NPR3: variants seen among roughly 807,000 people sequenced by gnomAD.
NPR3 encodes the protein atrial natriuretic peptide receptor 3.
NPR3 carries 34 observed loss-of-function variants against 54.5 expected under a neutral mutation model. The ratio of observed to expected loss-of-function variants is 0.62; its 90% CI spans 0.47 to 0.83. The LOEUF is 0.83. Among genes scored for constraint, NPR3 ranks in the 40% least tolerant of loss-of-function variants. The probability of loss-of-function intolerance (pLI) is 0.00; values close to 1 mark genes in which losing one functional copy is unlikely to be tolerated. For missense variants in NPR3, 674 were observed against 720.8 expected, an observed-to-expected ratio of 0.94 and a Z score of 0.74; for synonymous variants, 289 against 297.1, an observed-to-expected ratio of 0.97 and a Z score of 0.28.
chr5:32,783,073 C>G, intron 6 of NPR3, 45 bp downstream of exon 6: 2 of 1,549,856 alleles, frequency 1.3e-6, no homozygotes, highest in Non-Finnish European at 1.8e-6. Context: ...TCACCTCTAA[C>G]CTCAGTGTAA....
At chr5:32,733,385 A>G (rs1000806273) in intron 2 of NPR3, among the ~76,000 whole-genome samples, 1 of 152,176 alleles carries the variant, frequency 6.6e-6, no homozygotes, top group Non-Finnish European at 1.5e-5. Flanking sequence ...GAAAGAAGAT[A>G]ATATATATTG....
At chr5:32,700,533 C>T (rs1740640420) in intron 1 of NPR3, among the ~76,000 whole-genome samples, 1 of 152,058 alleles carries the variant, frequency 6.6e-6, no homozygotes, top group Non-Finnish European at 1.5e-5. Context: ...TCTCCTAATG[C>T]TATCCCTTCC....
chr5:32,711,547 A>ACTTTCT lies in NPR3; in HGVS notation c.-226_-225insCTCTTT, dbSNP rs1554012338. ...AGACGCACAGGTTTACACCCGGTGAACTTTTTCTTTTTCTTTTTCTTTTTT... is the reference window on the plus strand; with the variant it reads ...AGACGCACAGGTTTACACCCGGTGAACTTTCTCTTTTTCTTTTTCTTTTTCTTTTTT... On this transcript the variant is annotated 5_prime_UTR_variant, in exon 1 of 8. Coordinates refer to ENST00000265074, the MANE Select transcript of NPR3 (RefSeq NM_001204375.2). 3 of 965,988 alleles carry ACTTTCT rather than the reference A, an allele frequency of 3.1e-6. No homozygotes were observed. Among genetic ancestry groups the ACTTTCT allele is most frequent in the Non-Finnish European group, 3.9e-6 (3 of 766,786 alleles). The allele number at this position is 965,988 out of a possible 1,614,324, so 59.8% of individuals were successfully genotyped here. A position where few individuals can be genotyped will look rare whatever the true frequency, so the allele number is the denominator to read the frequency against.
At chr5:32,704,440 A>G (rs1201579403), upstream of NPR3, among the ~76,000 whole-genome samples, 1 of 150,644 alleles carries the variant, frequency 6.6e-6, no homozygotes, top group Non-Finnish European at 1.5e-5. Flanking sequence ...GGGGACGACA[A>G]CTGGTGGGGG....
At chr5:32,769,551 C>A (rs1371423919) in intron 3 of NPR3, among the ~76,000 whole-genome samples, 1 of 152,220 alleles carries the variant, frequency 6.6e-6, no homozygotes, top group Admixed American at 6.5e-5. Context: ...ATGTCTTTTG[C>A]AAGAGAGTCT....
intron 3 of NPR3, among the ~76,000 whole-genome samples, chr5:32,759,787 G>T (rs1033684004): frequency 1.3e-5 from 2 of 152,160 alleles, no homozygotes; most frequent in African/African-American, 2.4e-5. Context: ...AGGAGCTCTT[G>T]TAAGGCAGGC....
At chr5:32,769,502 T>A (rs968386125) in intron 3 of NPR3, among the ~76,000 whole-genome samples, 1 of 152,188 alleles carries the variant, frequency 6.6e-6, no homozygotes, top group African/African-American at 2.4e-5. Context: ...TTTCCCTTTC[T>A]CTCATCTCCC....
intron 1 of NPR3, among the ~76,000 whole-genome samples, chr5:32,698,004 T>C (rs953781769): frequency 5.3e-5 from 8 of 152,076 alleles, no homozygotes; most frequent in Non-Finnish European, 8.8e-5. Context: ...CTCTGATCTT[T>C]ATTATTTCTT....
rs1738259169 is a variant in NPR3 at position 32,711,877 on chromosome 5, G to A, written c.101G>A (p.Gly34Asp). ...TGGGGVGGGG[G>D]GAGIGGGRQE... ...GGCGGTGGCGTTGGCGGCGGCGGCGGTGGCGCGGGCATAGGCGGCGGACGC... is the reference window on the plus strand; with the variant it reads ...GGCGGTGGCGTTGGCGGCGGCGGCGATGGCGCGGGCATAGGCGGCGGACGC... Residue 34 changes from glycine (G) to aspartate (D), a missense_variant, in exon 1 of 8, where the codon GGT (glycine) becomes GAT (aspartate). Transcript: ENST00000265074. The A allele has an allele frequency of 2.0e-6, 3 of 1,465,492 alleles. No homozygotes were observed. Among genetic ancestry groups the A allele is most frequent in the Non-Finnish European group, 1.8e-6 (2 of 1,111,102 alleles). 90.8% of individuals were successfully genotyped at this position (1,465,492 alleles called of 1,614,324 possible). A position where few individuals can be genotyped will look rare whatever the true frequency, so the allele number is the denominator to read the frequency against.
chr5:32,713,496 C>A lies in NPR3; in HGVS notation c.769+951C>A, dbSNP rs555559612. ...CCGGTATAGCGCCGATCCCTCCTCC[C>A]TCTAGTCAGGGATTAGGAGCACTGC... On this transcript the variant is annotated intron_variant, in intron 1 of 7. Coordinates refer to ENST00000265074, the MANE Select transcript of NPR3 (RefSeq NM_001204375.2). 1.2e-4 allele frequency: 119 copies of A among 974,568 alleles called. No homozygotes were observed. In the South Asian group the frequency reaches 4.8e-3, roughly 39 times the overall value. The allele number at this position is 974,568 out of a possible 1,614,324, so 60.4% of individuals were successfully genotyped here.
At chr5:32,758,532 G>C (rs1012010619) in intron 3 of NPR3, among the ~76,000 whole-genome samples, 2 of 151,952 alleles carry the variant, frequency 1.3e-5, no homozygotes, top group Non-Finnish European at 2.9e-5. Context: ...TATCAATTTT[G>C]TTGATCTTGT....
intron 1 of NPR3, chr5:32,713,056 A>C (rs1281374239): frequency 7.1e-6 from 4 of 560,710 alleles, no homozygotes; most frequent in African/African-American, 2.0e-5. Context: ...TGTTGTTTCC[A>C]CAGACCCCAG....
intron 3 of NPR3, among the ~76,000 whole-genome samples, chr5:32,739,470 CT>C (rs1232590603): frequency 2.0e-5 from 3 of 152,250 alleles, no homozygotes; most frequent in South Asian, 4.1e-4. Flanking sequence ...GATACATTTT[CT>C]TTTGGCAGCC....
rs747268229 is a variant in NPR3, at chr5:32,724,411, A to C, written c.770-287A>C. Among the ~76,000 whole-genome samples, 6 of 152,158 alleles carry C rather than the reference A, an allele frequency of 3.9e-5. 1 individual carries two copies. ...TTGGGTTTGTGGCTGCCACCTTCTG[A>C]TTAGATGTAGGCTGCCTATCTGGAC... is the stretch of plus-strand genomic sequence containing the variant. On this transcript the variant is annotated intron_variant, in intron 1 of 7. Coordinates refer to ENST00000265074, the MANE Select transcript of NPR3 (RefSeq NM_001204375.2).
intron 3 of NPR3, among the ~76,000 whole-genome samples, chr5:32,770,913 A>C (rs57789575): frequency 6.6e-6 from 1 of 152,222 alleles, no homozygotes; most frequent in Non-Finnish European, 1.5e-5. Flanking sequence ...TAACGACAGC[A>C]TGACCTGTGT....
In NPR3 at chr5:32,757,797, G is replaced by A. The variant is rs147202395; in HGVS notation, c.1060-16911G>A. ...CCCATCAATACCTAATTTATTGAGC[G>A]TTTTTAGCATGAAGGGCTATTGAAT... On this transcript the variant is annotated intron_variant, in intron 3 of 7. Coordinates refer to ENST00000265074, the MANE Select transcript of NPR3 (RefSeq NM_001204375.2). Among the ~76,000 whole-genome samples the A allele has an allele frequency of 3.6e-3, 554 of 152,234 alleles. 3 individuals are homozygous for A. The highest frequency in any genetic ancestry group is 0.011 in the African/African-American group (475 of 41,540).
intron 1 of NPR3, among the ~76,000 whole-genome samples, chr5:32,691,564 C>T (rs548348037): frequency 4.6e-5 from 7 of 152,320 alleles, no homozygotes; most frequent in African/African-American, 1.7e-4. Context: ...TGAAGACACA[C>T]CTGAAAGGCG....
chr5:32,718,883 A>G (rs542258271), intron 1 of NPR3, among the ~76,000 whole-genome samples: 15 of 152,244 alleles, frequency 9.9e-5, no homozygotes, highest in African/African-American at 3.4e-4. Context: ...TTCCAACACT[A>G]TGTTGAATAG....
chr5:32,719,166 C>T (rs562049190), intron 1 of NPR3, among the ~76,000 whole-genome samples: 20 of 152,164 alleles, frequency 1.3e-4, no homozygotes, highest in African/African-American at 3.4e-4. Flanking sequence ...TATTGATTTG[C>T]GTATGTTGAA....
Sources: allele counts gnomAD v4.1 joint callset (sites outside exome capture counted in the v4.1 genomes callset), GRCh38; gene constraint gnomAD v4.1.1; transcripts MANE v1.5; gene names NCBI Gene and HGNC (gene_info 2026-07-23, HGNC 2026-07-21).